Variants in RARB observed in about 807,000 individuals in gnomAD.
The protein encoded by RARB is retinoic acid receptor beta.
A neutral mutation model predicts 51.9 loss-of-function variants in RARB; 17 were observed. The ratio of observed to expected loss-of-function variants is 0.33; its 90% CI spans 0.22 to 0.49. The LOEUF is 0.49. Ranked by LOEUF, RARB falls within the 20% of genes least tolerant of loss-of-function variation. RARB has a pLI of 0.99. For missense variants in RARB, 369 were observed against 550.8 expected (o/e 0.67, Z 3.30); for synonymous variants, 215 against 195.4 (o/e 1.10, Z -0.84).
intron 5 of RARB, among the ~76,000 whole-genome samples, chr3:25,207,968 A>G (rs73042328): frequency 0.079 from 12,036 of 151,912 alleles, 642 homozygotes; most frequent in Non-Finnish European, 0.12. Flanking sequence ...CATGGCAGAA[A>G]GCAAAGCAGG....
intron 1 of RARB, among the ~76,000 whole-genome samples, chr3:24,834,320 A>G (rs112658342): frequency 4.6e-5 from 7 of 152,378 alleles, no homozygotes; most frequent in African/African-American, 1.7e-4. Flanking sequence ...TTAAATAATC[A>G]TAATCTTGAA....
At chr3:25,125,726 T>G (rs897691753) in intron 3 of RARB, among the ~76,000 whole-genome samples, 1 of 152,178 alleles carries the variant, frequency 6.6e-6, no homozygotes, top group African/African-American at 2.4e-5. Flanking sequence ...ATCAGCAACT[T>G]TTAGTAGCTC....
At chr3:25,405,145 C>A (rs563377396) in intron 5 of RARB, among the ~76,000 whole-genome samples, 2 of 152,096 alleles carry the variant, frequency 1.3e-5, no homozygotes, top group Non-Finnish European at 2.9e-5. Context: ...CCCCAGAGAC[C>A]GGAGCAGAGG....
At position 25,174,576 on chromosome 3, in the gene RARB, G is replaced by GT. The variant is rs2125353333; in HGVS notation, c.178+2dup. ...GGATGCAGCACCCCGTCGCCGGCAA[G>GT]TAAGTCCTGCTGGAATTTGCTCTCT... On this transcript the variant is annotated splice_donor_variant, in intron 5 of 11. Transcript: ENST00000383772. LOFTEE classifies it high-confidence loss of function. The GT allele has an allele frequency of 7.4e-7, 1 of 1,352,084 alleles. No homozygotes were observed. The highest frequency in any genetic ancestry group is 9.8e-7 in the Non-Finnish European group (1 of 1,021,730). 83.8% of individuals were successfully genotyped at this position (1,352,084 alleles called of 1,614,324 possible).
chr3:25,277,732 G>A (rs768247421), intron 5 of RARB, among the ~76,000 whole-genome samples: 63 of 152,208 alleles, frequency 4.1e-4, no homozygotes, highest in Non-Finnish European at 8.2e-4. Flanking sequence ...TGGCCATTCT[G>A]TGTGGGTCCC....
At chr3:25,195,701 T>A (rs996802895) in intron 5 of RARB, among the ~76,000 whole-genome samples, 2 of 152,054 alleles carry the variant, frequency 1.3e-5, no homozygotes, top group Non-Finnish European at 2.9e-5. Flanking sequence ...TAACTTATCA[T>A]GAAATTACAG....
chr3:25,469,722 A>AT (rs1235079631), intron 2 of RARB, among the ~76,000 whole-genome samples: 3 of 152,150 alleles, frequency 2.0e-5, no homozygotes, highest in African/African-American at 4.8e-5. Flanking sequence ...TTTTGTGTAT[A>AT]TTTTTTCCAA....
At chr3:25,533,815 C>T (rs1348452281) in intron 3 of RARB, among the ~76,000 whole-genome samples, 11 of 152,168 alleles carry the variant, frequency 7.2e-5, no homozygotes, top group Admixed American at 7.2e-4. Context: ...TAATTGAAAG[C>T]ATGATTTAAA....
chr3:25,491,635 CTTA>C (rs2125592885), intron 2 of RARB, among the ~76,000 whole-genome samples: 1 of 152,282 alleles, frequency 6.6e-6, no homozygotes, highest in East Asian at 1.9e-4. Context: ...ATGCTTGTCT[CTTA>C]TTCAAAAATT....
intron 5 of RARB, among the ~76,000 whole-genome samples, chr3:25,404,492 T>C (rs1707351890): frequency 6.6e-6 from 1 of 152,294 alleles, no homozygotes; most frequent in South Asian, 2.1e-4. Flanking sequence ...TTATGAAGGA[T>C]GTGATTCTAG....
At chr3:25,370,753 T>C (rs1575349829) in intron 5 of RARB, among the ~76,000 whole-genome samples, 1 of 152,196 alleles carries the variant, frequency 6.6e-6, no homozygotes, top group East Asian at 1.9e-4. Flanking sequence ...GTTAATTTCC[T>C]ATGGCTGCTG....
At chr3:25,579,015 G>A (rs1701062427) in intron 4 of RARB, among the ~76,000 whole-genome samples, 1 of 152,228 alleles carries the variant, frequency 6.6e-6, no homozygotes, top group African/African-American at 2.4e-5. Flanking sequence ...AATGAAAGAA[G>A]CTCCTGCAAA....
At chr3:24,929,576 G>C (rs1695398005) in intron 2 of RARB, among the ~76,000 whole-genome samples, 1 of 152,002 alleles carries the variant, frequency 6.6e-6, no homozygotes, top group Non-Finnish European at 1.5e-5. Context: ...ACAAATAATT[G>C]GTGAGTCTCC....
chr3:25,247,229 C>T (rs192786703), intron 5 of RARB, among the ~76,000 whole-genome samples: 2 of 152,324 alleles, frequency 1.3e-5, no homozygotes, highest in East Asian at 1.9e-4. Flanking sequence ...GCAAGATATT[C>T]AAGCCAGTGG....
At chr3:25,147,639 T>C (rs1700216242) in intron 4 of RARB, among the ~76,000 whole-genome samples, 1 of 152,146 alleles carries the variant, frequency 6.6e-6, no homozygotes, top group South Asian at 2.1e-4. Flanking sequence ...TAAACATAAA[T>C]TATATAAGAC....
At chr3:25,571,054 G>T (rs766503329) in intron 4 of RARB, among the ~76,000 whole-genome samples, 1 of 152,192 alleles carries the variant, frequency 6.6e-6, no homozygotes, top group Admixed American at 6.5e-5. Flanking sequence ...GTGACCAGGA[G>T]CAGGCCCAGA....
intron 4 of RARB, among the ~76,000 whole-genome samples, chr3:25,579,441 C>A (rs771958838): frequency 1.3e-5 from 2 of 152,200 alleles, no homozygotes; most frequent in South Asian, 4.1e-4. Context: ...TTTTCCAGAA[C>A]GTCATATAAA....
intron 2 of RARB, among the ~76,000 whole-genome samples, chr3:24,935,029 C>G (rs1695520990): frequency 6.6e-6 from 1 of 152,048 alleles, no homozygotes. Flanking sequence ...TGGTTTACAT[C>G]CCTTTTGGAC....
intron 3 of RARB, among the ~76,000 whole-genome samples, chr3:25,091,959 G>A (rs1189616232): frequency 2.6e-5 from 4 of 152,116 alleles, no homozygotes; most frequent in Admixed American, 6.6e-5. Flanking sequence ...GGATGGTGTC[G>A]GGGTGTGCTG....
Sources: allele counts gnomAD v4.1 joint callset (sites outside exome capture counted in the v4.1 genomes callset), GRCh38; gene constraint gnomAD v4.1.1; transcripts MANE v1.5; gene names NCBI Gene and HGNC (gene_info 2026-07-23, HGNC 2026-07-21).